The following TSPAN7 variants were observed in gnomAD, a reference collection of about 807,000 sequenced individuals.
TSPAN7 encodes tetraspanin-7.
TSPAN7 carries 1 observed loss-of-function variant against 17.6 expected under a neutral mutation model. The observed-to-expected ratio is 0.06, with a 90% CI of 0.02 to 0.27. The LOEUF (loss-of-function observed/expected upper bound fraction) is 0.27, where lower values mean the gene tolerates loss of function less well. TSPAN7 is among the 10% of genes least tolerant of loss of function. TSPAN7 has a pLI of 1.00. For synonymous variants in TSPAN7, 78 were observed against 79.0 expected (o/e 0.99, Z 0.07); for missense variants, 112 against 201.7 (o/e 0.56, Z 2.69).
At chrX:38,618,856 T>C (rs2069472029) in intron 1 of TSPAN7, among the ~76,000 whole-genome samples, 1 of 110,905 alleles carries the variant, frequency 9.0e-6, no homozygotes, top group Non-Finnish European at 1.9e-5. Flanking sequence ...AGGTGGTAGG[T>C]GGGGAGGCAT....
At position 38,675,430 on chromosome X, in the gene TSPAN7, G is replaced by A. The variant is rs185297040; in HGVS notation, c.442-275G>A. Among the ~76,000 whole-genome samples, 148 of 112,330 alleles carry A rather than the reference G, an allele frequency of 1.3e-3. 1 individual carries two copies. The highest frequency in any genetic ancestry group is 4.5e-3 in the African/African-American group (139 of 30,932). On this transcript the variant is annotated intron_variant, in intron 4 of 7. Transcript: ENST00000378482. ...GATGAGTACATCTATATCAATAGGT[G>A]ATTGTGAGTTGGACACAGACGCACT... is the stretch of plus-strand genomic sequence containing the variant.
Position 38,565,960 on chromosome X carries a change from A to G in TSPAN7, c.81+4333A>G, listed in dbSNP as rs773137808. ...CAGATGCTGCTAAACATCCTACAGT[A>G]CATGAGACAACCCCTCACAACAAAG... On this transcript the variant is annotated intron_variant, in intron 1 of 7. Transcript: ENST00000378482. Among the ~76,000 whole-genome samples, 10 of 111,683 alleles carry G rather than the reference A, an allele frequency of 9.0e-5. No individual in the cohort carries two copies. In the East Asian group the frequency reaches 2.5e-3, roughly 28 times the overall value.
chrX:38,588,933 CAG>C (rs753553574), intron 1 of TSPAN7, among the ~76,000 whole-genome samples: 2 of 111,745 alleles, frequency 1.8e-5, no homozygotes, highest in Non-Finnish European at 3.8e-5. Context: ...ACAAAAACCT[CAG>C]GCATTTAAAT....
At chrX:38,667,597 C>G (rs2069791393) in intron 2 of TSPAN7, among the ~76,000 whole-genome samples, 1 of 111,345 alleles carries the variant, frequency 9.0e-6, no homozygotes, top group Non-Finnish European at 1.9e-5. Flanking sequence ...TGTTGTCAAC[C>G]TCATAGAAGT....
At chrX:38,683,179 A>T (rs939103214) in intron 6 of TSPAN7, among the ~76,000 whole-genome samples, 1 of 111,850 alleles carries the variant, frequency 8.9e-6, no homozygotes, top group East Asian at 2.8e-4. Flanking sequence ...CATGAGCATG[A>T]GTGTGTGTGT....
At chrX:38,638,347 G>C (rs780532728) in intron 1 of TSPAN7, among the ~76,000 whole-genome samples, 1 of 111,950 alleles carries the variant, frequency 8.9e-6, no homozygotes, top group Non-Finnish European at 1.9e-5. Flanking sequence ...TCACACTGTG[G>C]GTTACAAAGA....
chrX:38,651,183 T>C (rs977068940), intron 1 of TSPAN7, among the ~76,000 whole-genome samples: 1 of 110,585 alleles, frequency 9.0e-6, no homozygotes, highest in African/African-American at 3.3e-5. Context: ...ATGTCAGTAA[T>C]GGCCGGATGC....
intron 1 of TSPAN7, among the ~76,000 whole-genome samples, chrX:38,605,547 T>C (rs1405204433): frequency 9.4e-6 from 1 of 106,144 alleles, no homozygotes; most frequent in African/African-American, 3.4e-5. Flanking sequence ...CTTCACAGAA[T>C]TGGAAAAAAC....
chrX:38,615,272 C>T (rs2069448824), intron 1 of TSPAN7, among the ~76,000 whole-genome samples: 1 of 111,610 alleles, frequency 9.0e-6, no homozygotes, highest in South Asian at 3.8e-4. Context: ...TTTTTCATAA[C>T]TATAGCTAGC....
chrX:38,648,046 G>T (rs1392236777), intron 1 of TSPAN7, among the ~76,000 whole-genome samples: 1 of 111,853 alleles, frequency 8.9e-6, no homozygotes, highest in Non-Finnish European at 1.9e-5. Context: ...TGTGGGACAT[G>T]GGGCACTACT....
chrX:38,678,318 A>G (rs1208177105), intron 5 of TSPAN7, among the ~76,000 whole-genome samples: 1 of 111,991 alleles, frequency 8.9e-6, no homozygotes, highest in Admixed American at 9.5e-5. Context: ...CTAGCTTTCT[A>G]CTTCTAGTAG....
chrX:38,678,796 T>C (rs1403596365), intron 5 of TSPAN7, among the ~76,000 whole-genome samples: 1 of 112,405 alleles, frequency 8.9e-6, no homozygotes, highest in Admixed American at 9.4e-5. Flanking sequence ...GAGTAAAAAA[T>C]AATGAGAAAA....
At chrX:38,617,609 C>T (rs189059180) in intron 1 of TSPAN7, among the ~76,000 whole-genome samples, 2 of 112,335 alleles carry the variant, frequency 1.8e-5, no homozygotes, top group Admixed American at 9.4e-5. Context: ...GAGACTGGTT[C>T]GGTAGGTCTC....
chrX:38,667,014 A>G (rs1569314529), intron 2 of TSPAN7, among the ~76,000 whole-genome samples: 1 of 111,965 alleles, frequency 8.9e-6, no homozygotes, highest in Non-Finnish European at 1.9e-5. Context: ...CCAAGTTCCT[A>G]TTGGAGAAAT....
intron 1 of TSPAN7, chrX:38,622,886 C>T (rs1330560241): frequency 6.0e-6 from 2 of 331,135 alleles, no homozygotes; most frequent in South Asian, 5.2e-5. Context: ...GTGTATATTT[C>T]TGTTTGTTTG....
intron 1 of TSPAN7, among the ~76,000 whole-genome samples, chrX:38,654,709 G>A (rs2069692197): frequency 1.3e-5 from 1 of 75,952 alleles, no homozygotes; most frequent in Non-Finnish European, 2.2e-5. Flanking sequence ...TATTGGCCCT[G>A]GGGATACACC....
rs142657644 is a variant in TSPAN7 at position 38,675,779 on chromosome X, C to A, written c.516C>A (p.Pro172=). The A allele has an allele frequency of 6.5e-4, 785 of 1,209,123 alleles. 3 individuals carry two copies. Among genetic ancestry groups the A allele is most frequent in the Middle Eastern group, 2.3e-4 (1 of 4,371 alleles). ...ACTTCCTGGAGCATGGCATCCCCCC[C>A]AGCTGCTGCATGAACGAAACTGATT... The part of the protein sequence containing the change: ...SPYFLEHGIP[P]SCCMNETDCN... Residue 172 remains proline (P), a synonymous_variant, in exon 5 of 8, where the codon CCC becomes CCA. Transcript: ENST00000378482.
In TSPAN7 at chrX:38,587,490, T is replaced by C. The variant is rs188137651; in HGVS notation, c.81+25863T>C. Among the ~76,000 whole-genome samples, 396 of 111,947 alleles carry C rather than the reference T, an allele frequency of 3.5e-3. 2 individuals carry two copies. Among genetic ancestry groups the C allele is most frequent in the African/African-American group, 0.012 (378 of 30,837 alleles). ...CAGTGTTTGATATGTTTAAATTTCA[T>C]GTAGTTTCCAATATGCATTCATTAA... On this transcript the variant is annotated intron_variant, in intron 1 of 7. Coordinates refer to ENST00000378482, the MANE Select transcript of TSPAN7 (RefSeq NM_004615.4).
chrX:38,663,210 C>T (rs1406554536), intron 1 of TSPAN7, among the ~76,000 whole-genome samples: 1 of 110,324 alleles, frequency 9.1e-6, no homozygotes, highest in Non-Finnish European at 1.9e-5. Flanking sequence ...CCATGGAATG[C>T]TACTAAGCCA....
Sources: allele counts gnomAD v4.1 joint callset (sites outside exome capture counted in the v4.1 genomes callset), GRCh38; gene constraint gnomAD v4.1.1; transcripts MANE v1.5; gene names NCBI Gene and HGNC (gene_info 2026-07-23, HGNC 2026-07-21).